EDA: variants seen among roughly 807,000 people sequenced by gnomAD.
EDA encodes the protein ectodysplasin A, also known as ectodysplasin-A.
Under a neutral mutation model 23.6 loss-of-function variants are expected in EDA, and 2 were observed. That is an observed-to-expected ratio of 0.08 (90% CI 0.03 to 0.27). The LOEUF (loss-of-function observed/expected upper bound fraction) is 0.27, where lower values mean the gene tolerates loss of function less well. Among genes scored for constraint, EDA ranks in the 10% least tolerant of loss-of-function variants. EDA has a pLI of 1.00. For synonymous variants in EDA, 131 were observed against 132.0 expected, an observed-to-expected ratio of 0.99 and a Z score of 0.05; for missense variants, 229 against 324.2, an observed-to-expected ratio of 0.71 and a Z score of 2.26.
chrX:70,023,194 TTATC>T lies in EDA; in HGVS notation c.503-20_503-17del. On this transcript the variant is annotated intron_variant, in intron 2 of 7. Transcript: ENST00000374552. ...TTTCTGTTCATTTCCAATGACTTAA[TTATC>T]TATTTTATTTTTCTTATAGGCCCAG... 1.0e-6 allele frequency: 1 copy of T among 994,188 alleles called. No homozygotes were observed. Among genetic ancestry groups the T allele is most frequent in the East Asian group, 3.1e-5 (1 of 32,322 alleles). 81.9% of individuals were successfully genotyped at this position (994,188 alleles called of 1,213,427 possible).
At chrX:69,710,831 C>T (rs368363288) in intron 1 of EDA, among the ~76,000 whole-genome samples, 2 of 111,317 alleles carry the variant, frequency 1.8e-5, no homozygotes, top group South Asian at 3.8e-4. Flanking sequence ...GTGATTTTTG[C>T]ACATTGATTT....
intron 1 of EDA, among the ~76,000 whole-genome samples, chrX:69,913,404 T>G (rs986304373): frequency 2.7e-5 from 3 of 112,572 alleles, no homozygotes; most frequent in African/African-American, 9.7e-5. Flanking sequence ...AGACAGATTC[T>G]TTCCTTAAGC....
At chrX:69,764,468 C>T (rs184434559) in intron 1 of EDA, among the ~76,000 whole-genome samples, 191 of 108,015 alleles carry the variant, frequency 1.8e-3, no homozygotes, top group Non-Finnish European at 1.7e-3. Flanking sequence ...GTCTTGAACT[C>T]CTGATCTCAA....
rs759944745 is a variant in EDA at position 69,987,582 on chromosome X, C to CAA, written c.502+30456_502+30457dup. Among the ~76,000 whole-genome samples, 4 of 104,017 alleles carry CAA rather than the reference C, an allele frequency of 3.8e-5. No individual in the cohort carries two copies. In the South Asian group the frequency reaches 1.7e-3, roughly 44 times the overall value. The allele number at this position is 104,017 out of a possible 115,157, so 90.3% of individuals were successfully genotyped here. A position where few individuals can be genotyped will look rare whatever the true frequency, so the allele number is the denominator to read the frequency against. On this transcript the variant is annotated intron_variant, in intron 2 of 7. Coordinates refer to ENST00000374552, the MANE Select transcript of EDA (RefSeq NM_001399.5). ...ATTCATAACTGCCACTAAGCACAGA[C>CAA]AAAAAAACACTCTAAGAAAAGCCTG...
intron 1 of EDA, among the ~76,000 whole-genome samples, chrX:69,767,280 A>G (rs761082114): frequency 4.8e-4 from 54 of 111,518 alleles, no homozygotes; most frequent in Admixed American, 5.7e-4. Flanking sequence ...AATTTGATGC[A>G]CACACCCATC....
chrX:69,776,339 G>A (rs746729499), intron 1 of EDA, among the ~76,000 whole-genome samples: 2 of 111,489 alleles, frequency 1.8e-5, no homozygotes, highest in East Asian at 5.7e-4. Context: ...ATGTGTCAAA[G>A]GCAGGGCCAG....
chrX:69,824,362 C>A (rs2016342296), intron 1 of EDA, among the ~76,000 whole-genome samples: 1 of 109,003 alleles, frequency 9.2e-6, no homozygotes. Flanking sequence ...TTTGTATCCT[C>A]TTTTATTTCC....
rs1234066365 is a variant in EDA, at chrX:70,036,639, T to C, written c.*1030T>C. ...GGACGGGATGACCTCCAGAAGTCCC[T>C]TCAATTTCTAGTACCTGTGACTCTT... On this transcript the variant is annotated 3_prime_UTR_variant, in exon 8 of 8. Coordinates refer to ENST00000374552, the MANE Select transcript of EDA (RefSeq NM_001399.5). The C allele has an allele frequency of 8.8e-6, 1 of 112,999 alleles. No individual in the cohort carries two copies. The highest frequency in any genetic ancestry group is 1.9e-5 in the Non-Finnish European group (1 of 53,390). The allele number at this position is 112,999 out of a possible 1,213,427, so 9.3% of individuals were successfully genotyped here.
intron 1 of EDA, among the ~76,000 whole-genome samples, chrX:69,894,909 G>A (rs2017988390): frequency 9.0e-6 from 1 of 111,292 alleles, no homozygotes; most frequent in African/African-American, 3.3e-5. Context: ...TCTTTCTCTT[G>A]CCTGATTGTT....
At chrX:70,023,275 T>G (rs769961996) in intron 3 of EDA, 34 bp downstream of exon 3, 6 of 1,022,313 alleles carry the variant, frequency 5.9e-6, no homozygotes, top group Non-Finnish European at 8.2e-6. Flanking sequence ...TGCTGTCTTG[T>G]CATATATTTT....
At chrX:69,791,906 T>G (rs1426755698) in intron 1 of EDA, among the ~76,000 whole-genome samples, 1 of 112,425 alleles carries the variant, frequency 8.9e-6, no homozygotes, top group Non-Finnish European at 1.9e-5. Context: ...TCTCCCAAAG[T>G]GCTGGGATTC....
At chrX:70,029,365 C>T in intron 4 of EDA, 139 bp from the exon 5 acceptor site, 1 of 733,238 alleles carries the variant, frequency 1.4e-6, no homozygotes, top group African/African-American at 2.0e-5. Context: ...CTGACTCTTC[C>T]TCCAGCTCTG....
chrX:69,915,014 A>G (rs2147658254), intron 1 of EDA, among the ~76,000 whole-genome samples: 1 of 112,082 alleles, frequency 8.9e-6, no homozygotes, highest in South Asian at 3.7e-4. Context: ...ATCTTCAGGG[A>G]ATGGTTTTTG....
intron 1 of EDA, among the ~76,000 whole-genome samples, chrX:69,659,418 C>A (rs1025360789): frequency 1.8e-5 from 2 of 111,882 alleles, no homozygotes; most frequent in African/African-American, 6.5e-5. Flanking sequence ...AACAATATTA[C>A]TATTGGGGTT....
chrX:69,937,892 C>G lies in EDA; in HGVS notation c.397-19135C>G, dbSNP rs61741681. 38 of 1,199,775 alleles carry G rather than the reference C, an allele frequency of 3.2e-5. No individual in the cohort carries two copies. The African/African-American group carries it at 5.5e-4, about 17-fold the overall frequency. On this transcript the variant is annotated intron_variant, in intron 1 of 7. Coordinates refer to ENST00000374552, the MANE Select transcript of EDA (RefSeq NM_001399.5). The stretch of plus-strand genomic sequence containing the variant: ...TGGGTCTTGCAACCACACCTGGAAA[C>G]TCGGTGTCCATAGCAACGTAATTAT...
At chrX:69,801,789 A>G (rs1391607482) in intron 1 of EDA, among the ~76,000 whole-genome samples, 3 of 111,970 alleles carry the variant, frequency 2.7e-5, no homozygotes, top group Non-Finnish European at 5.6e-5. Flanking sequence ...ATACAAGTTA[A>G]TACCACCAAG....
chrX:69,722,038 C>G (rs144140955), intron 1 of EDA, among the ~76,000 whole-genome samples: 1,526 of 111,357 alleles, frequency 0.014, 20 homozygotes, highest in African/African-American at 0.045. Flanking sequence ...ATTCACAATT[C>G]TGTGTAGATA....
intron 1 of EDA, among the ~76,000 whole-genome samples, chrX:69,674,033 A>G (rs1933995728): frequency 9.0e-6 from 1 of 111,461 alleles, no homozygotes; most frequent in Non-Finnish European, 1.9e-5. Flanking sequence ...TTTCCTTGCT[A>G]TAAATATTTA....
chrX:69,752,522 A>G (rs1209893020), intron 1 of EDA, among the ~76,000 whole-genome samples: 1 of 111,685 alleles, frequency 9.0e-6, no homozygotes, highest in Non-Finnish European at 1.9e-5. Flanking sequence ...CATCAGGGAT[A>G]TTTGTCTAAA....
Sources: gnomAD v4.1 joint callset for allele counts (sites outside exome capture counted in the v4.1 genomes callset) on GRCh38, gnomAD v4.1.1 for gene constraint, MANE v1.5 for transcripts, NCBI Gene and HGNC (gene_info 2026-07-23, HGNC 2026-07-21) for gene names.